Variants in ABI1 observed in about 807,000 individuals in gnomAD.
ABI1 encodes abl interactor 1.
ABI1 carries 14 observed loss-of-function variants against 54.6 expected under a neutral mutation model. The ratio of observed to expected loss-of-function variants is 0.26; its 90% CI spans 0.17 to 0.40. The LOEUF is 0.40. Among genes scored for constraint, ABI1 ranks in the 10% least tolerant of loss-of-function variants. The pLI is 1.00. For missense variants in ABI1, 443 were observed against 598.3 expected (o/e 0.74, Z 2.71); for synonymous variants, 194 against 209.3 (o/e 0.93, Z 0.63).
At chr10:26,808,199 TCTTTG>T (rs1255459740) in intron 2 of ABI1, among the ~76,000 whole-genome samples, 1 of 152,248 alleles carries the variant, frequency 6.6e-6, no homozygotes, top group Non-Finnish European at 1.5e-5. Flanking sequence ...CTTCAGGTAC[TCTTTG>T]TTTTTTATAT....
intron 2 of ABI1, among the ~76,000 whole-genome samples, chr10:26,799,178 A>G (rs2046383445): frequency 6.6e-6 from 1 of 152,048 alleles, no homozygotes; most frequent in Non-Finnish European, 1.5e-5. Context: ...TTCCAGTTCC[A>G]TCTCCCAAAG....
At chr10:26,813,250 C>T (rs1468029435) in intron 2 of ABI1, among the ~76,000 whole-genome samples, 69 of 148,636 alleles carry the variant, frequency 4.6e-4, no homozygotes, top group Admixed American at 2.7e-4. Flanking sequence ...TTCCATCCCC[C>T]CGCCAAAAAA....
chr10:26,752,547 G>A (rs529856360), intron 9 of ABI1, among the ~76,000 whole-genome samples: 16 of 152,048 alleles, frequency 1.1e-4, no homozygotes, highest in African/African-American at 3.4e-4. Flanking sequence ...CTAAAGATTC[G>A]ATTTTCTAAG....
At chr10:26,787,673 T>G (rs117451302) in intron 2 of ABI1, among the ~76,000 whole-genome samples, 4,114 of 152,316 alleles carry the variant, frequency 0.027, 75 homozygotes, top group Non-Finnish European at 0.039. Context: ...AGACTAATTC[T>G]TTCTCATACT....
At chr10:26,810,434 T>C (rs1360535224) in intron 2 of ABI1, among the ~76,000 whole-genome samples, 1 of 152,140 alleles carries the variant, frequency 6.6e-6, no homozygotes, top group African/African-American at 2.4e-5. Context: ...TTACTATAAA[T>C]AGAGAAACCG....
chr10:26,806,026 C>G (rs2133450132), intron 2 of ABI1, among the ~76,000 whole-genome samples: 1 of 152,358 alleles, frequency 6.6e-6, no homozygotes, highest in East Asian at 1.9e-4. Context: ...ATGTCTTTCT[C>G]TAATGCCATT....
At chr10:26,848,220 A>AAAAAAG (rs2050133257) in intron 1 of ABI1, among the ~76,000 whole-genome samples, 1 of 139,462 alleles carries the variant, frequency 7.2e-6, no homozygotes, top group Non-Finnish European at 1.5e-5. Flanking sequence ...AAAAAAAAAA[A>AAAAAAG]AAGAAGAAGA....
chr10:26,768,384 C>A (rs1468917774), intron 6 of ABI1, among the ~76,000 whole-genome samples: 1 of 149,762 alleles, frequency 6.7e-6, no homozygotes, highest in Non-Finnish European at 1.5e-5. Flanking sequence ...CGTCTCAACT[C>A]AAAATTAGCC....
chr10:26,759,018 A>C, intron 8 of ABI1, 44 bp downstream of exon 8: 1 of 1,535,070 alleles, frequency 6.5e-7, no homozygotes, highest in Non-Finnish European at 8.8e-7. Flanking sequence ...TTTCCTTCAA[A>C]AGGAGCTCCA....
Position 26,818,067 on chromosome 10 carries a change from G to C in ABI1, c.285+5071C>G, listed in dbSNP as rs528942569. 7.4e-5 allele frequency among the ~76,000 whole-genome samples: 11 copies of C among 148,650 alleles called. No homozygotes were observed. In the South Asian group the frequency reaches 2.4e-3, roughly 32 times the overall value. The stretch of plus-strand genomic sequence containing the variant: ...CCAGCTACCCGGGAGGCTGAGGCAG[G>C]AGGATGGCTTGAACCCAGGAGGCAG... On this transcript the variant is annotated intron_variant, in intron 2 of 10. Coordinates refer to ENST00000376140, the MANE Select transcript of ABI1 (RefSeq NM_001012750.3).
chr10:26,795,922 T>C (rs936602128), intron 2 of ABI1, among the ~76,000 whole-genome samples: 3 of 151,846 alleles, frequency 2.0e-5, no homozygotes, highest in African/African-American at 7.3e-5. Context: ...GCCACAAAAA[T>C]CCTAAATAAC....
intron 8 of ABI1, 31 bp downstream of exon 8, chr10:26,759,031 G>T (rs749940825): frequency 2.4e-5 from 39 of 1,594,918 alleles, no homozygotes; most frequent in Non-Finnish European, 3.1e-5. Context: ...GAGCTCCACT[G>T]TTGCTGTATG....
At chr10:26,800,318 GA>G (rs1320951556) in intron 2 of ABI1, among the ~76,000 whole-genome samples, 1 of 152,200 alleles carries the variant, frequency 6.6e-6, no homozygotes, top group East Asian at 1.9e-4. Context: ...CCTGGAGGCA[GA>G]GGTTGCAGTG....
At chr10:26,758,634 T>C (rs1838689415) in intron 8 of ABI1, among the ~76,000 whole-genome samples, 1 of 152,204 alleles carries the variant, frequency 6.6e-6, no homozygotes, top group Non-Finnish European at 1.5e-5. Context: ...ACCTTAAAAG[T>C]GATAGCCAGC....
At chr10:26,750,623 A>C (rs1161489948) in intron 10 of ABI1, among the ~76,000 whole-genome samples, 1 of 152,198 alleles carries the variant, frequency 6.6e-6, no homozygotes, top group African/African-American at 2.4e-5. Flanking sequence ...CAGTAAAGTC[A>C]ATAGAAGGAA....
At chr10:26,833,102 C>T (rs1469508343) in intron 1 of ABI1, among the ~76,000 whole-genome samples, 1 of 152,188 alleles carries the variant, frequency 6.6e-6, no homozygotes, top group African/African-American at 2.4e-5. Context: ...CCACCTCCCA[C>T]TTAAGCAACT....
intron 2 of ABI1, among the ~76,000 whole-genome samples, chr10:26,820,985 G>A (rs1031949630): frequency 2.1e-5 from 3 of 142,948 alleles, no homozygotes; most frequent in African/African-American, 5.4e-5. Context: ...GCTCACACCT[G>A]CGATCCTAGC....
chr10:26,844,795 G>A (rs1013085977), intron 1 of ABI1, among the ~76,000 whole-genome samples: 3 of 152,150 alleles, frequency 2.0e-5, no homozygotes, highest in African/African-American at 7.2e-5. Context: ...TCCTTTTCCC[G>A]CAGCCACCCA....
rs1032675600 is a variant in ABI1, at chr10:26,765,359, G to A, written c.720-41C>T. 2.1e-6 allele frequency: 3 copies of A among 1,429,518 alleles called. No individual in the cohort carries two copies. The African/African-American group carries it at 4.4e-5, about 21-fold the overall frequency. 88.6% of individuals were successfully genotyped at this position (1,429,518 alleles called of 1,614,324 possible). A position where few individuals can be genotyped will look rare whatever the true frequency, so the allele number is the denominator to read the frequency against. ...AAAACTGTGAAAAACCAATTCTAGA[G>A]ACATATTTAAAAAAAAACTGTAATC... On this transcript the variant is annotated intron_variant, in intron 6 of 10. Coordinates refer to ENST00000376140, the MANE Select transcript of ABI1 (RefSeq NM_001012750.3).
Sources: allele counts gnomAD v4.1 joint callset (sites outside exome capture counted in the v4.1 genomes callset), GRCh38; gene constraint gnomAD v4.1.1; transcripts MANE v1.5; gene names NCBI Gene and HGNC (gene_info 2026-07-23, HGNC 2026-07-21).